Variants in AGRN observed in about 807,000 individuals in gnomAD.
AGRN encodes the protein agrin proteoglycan.
AGRN carries 106 observed loss-of-function variants against 211.0 expected under a neutral mutation model. The observed-to-expected ratio is 0.50, with a 90% CI of 0.43 to 0.59. The LOEUF (loss-of-function observed/expected upper bound fraction) is 0.59. Among genes scored for constraint, AGRN ranks in the 20% least tolerant of loss-of-function variants. The pLI, the probability that AGRN is intolerant of heterozygous loss-of-function variation, is 0.00. For missense variants in AGRN, 3,040 were observed against 2,982.6 expected (o/e 1.02, Z -0.45); for synonymous variants, 1,525 against 1,332.5 (o/e 1.14, Z -3.15).
In AGRN at chr1:1,046,689, T is replaced by C. The variant is rs1645105804; in HGVS notation, c.3204T>C (p.Asp1068=). The C allele has an allele frequency of 2.5e-6, 4 of 1,585,280 alleles. No homozygotes were observed. Among genetic ancestry groups the C allele is most frequent in the African/African-American group, 1.3e-5 (1 of 74,648 alleles). The change falls in exon 18 of 36, where the codon GAT becomes GAC. Residue 1068 remains aspartate, a synonymous_variant. Coordinates refer to ENST00000379370, the MANE Select transcript of AGRN (RefSeq NM_198576.4). ...GESGSTDGSS[D]EELSGDQEAS... ...CTGGCAGCACTGATGGAAGCAGCGA[T>C]GAGGAACTGAGCGGGGACCAGGAGG...
Position 1,020,123 on chromosome 1 carries a change from C to T in AGRN, c.-50C>T, listed in dbSNP as rs1380220484. ...GGAGCTGCGTCCCGTCCTGTCCAGT[C>T]CCGTCCCCGGCGCGGCCCGCGCGCT... On this transcript the variant is annotated 5_prime_UTR_variant, in exon 1 of 36. Coordinates refer to ENST00000379370, the MANE Select transcript of AGRN (RefSeq NM_198576.4). 34 of 961,364 alleles carry T rather than the reference C, an allele frequency of 3.5e-5. 1 individual carries two copies. Among genetic ancestry groups the T allele is most frequent in the Non-Finnish European group, 4.7e-5 (34 of 731,166 alleles). 59.6% of individuals were successfully genotyped at this position (961,364 alleles called of 1,614,324 possible).
chr1:1,033,962 C>A, intron 2 of AGRN: 1 of 266,390 alleles, frequency 3.8e-6, no homozygotes, highest in Non-Finnish European at 5.8e-6. Flanking sequence ...GTCTCTGCTC[C>A]CGCCCTCCCT....
intron 34 of AGRN, 85 bp downstream of exon 34, chr1:1,054,062 C>T: frequency 1.4e-6 from 2 of 1,426,324 alleles, no homozygotes; most frequent in Non-Finnish European, 1.9e-6. Flanking sequence ...CACTTGTGAC[C>T]AGGGGTCAGG....
chr1:1,026,242 C>G (rs1436109826), intron 2 of AGRN, among the ~76,000 whole-genome samples: 6 of 152,176 alleles, frequency 3.9e-5, no homozygotes, highest in Admixed American at 3.9e-4. Flanking sequence ...CCACACTGGC[C>G]GCTCTGGTGG....
intron 2 of AGRN, among the ~76,000 whole-genome samples, chr1:1,030,222 CGCGT>C (rs1376246635): frequency 8.4e-5 from 1 of 11,944 alleles, no homozygotes. Flanking sequence ...GTGAGATCAG[CGCGT>C]GTGTGTGTGC....
At chr1:1,035,523 G>A (rs982716990) in intron 3 of AGRN, among the ~76,000 whole-genome samples, 199 bp downstream of exon 3, 2 of 152,236 alleles carry the variant, frequency 1.3e-5, no homozygotes, top group African/African-American at 2.4e-5. Context: ...GCCGCCTGAC[G>A]GCACTGGACC....
chr1:1,050,632 G>T (rs762917500), intron 29 of AGRN, 41 bp downstream of exon 29: 1 of 1,604,098 alleles, frequency 6.2e-7, no homozygotes, highest in African/African-American at 1.3e-5. Context: ...TGGGGCACTG[G>T]CCCGGGGCCG....
At chr1:1,030,416 AGC>A (rs1371577214) in intron 2 of AGRN, among the ~76,000 whole-genome samples, 2 of 57,416 alleles carry the variant, frequency 3.5e-5, no homozygotes, top group African/African-American at 6.2e-5. Context: ...CTGTGAGATC[AGC>A]GTGTGTGTGT....
chr1:1,052,281 C>T (rs1033455433), intron 33 of AGRN: 5 of 355,078 alleles, frequency 1.4e-5, no homozygotes, highest in African/African-American at 2.1e-5. Flanking sequence ...TGTCTGTGTC[C>T]GTGTGCACTT....
Position 1,041,233 on chromosome 1 carries a change from C to A in AGRN, c.788C>A (p.Ala263Asp). 1 of 1,486,994 alleles carries A rather than the reference C, an allele frequency of 6.7e-7. No homozygotes were observed. Among genetic ancestry groups the A allele is most frequent in the Non-Finnish European group, 8.9e-7 (1 of 1,124,768 alleles). 92.1% of individuals were successfully genotyped at this position (1,486,994 alleles called of 1,614,324 possible). A position where few individuals can be genotyped will look rare whatever the true frequency, so the allele number is the denominator to read the frequency against. Residue 263 changes from alanine (A) to aspartate (D), a missense_variant, in exon 5 of 36, where the codon GCC becomes GAC. Physicochemically the swap from Ala to Asp is moderately radical, Grantham distance 126. This residue lies in a region of AGRN where 1,498 missense variants were observed against 1,457.8 expected (regional missense o/e 1.03). Transcript: ENST00000379370. ...CSFGSTCARS[A>D]DGLTASCLCP... ...TTCGGCAGCACCTGTGCGCGCTCGGCCGACGGGCTGACGGCCTCGTGCCTG... is the reference window on the plus strand; with the variant it reads ...TTCGGCAGCACCTGTGCGCGCTCGGACGACGGGCTGACGGCCTCGTGCCTG...
chr1:1,039,812 A>G (rs1296797308), intron 3 of AGRN, among the ~76,000 whole-genome samples: 1 of 150,316 alleles, frequency 6.7e-6, no homozygotes, highest in African/African-American at 2.5e-5. Flanking sequence ...GGGCCGGGGG[A>G]TGCCCAGGGA....
chr1:1,040,953 CTT>C, intron 4 of AGRN, 73 bp downstream of exon 4: 1 of 748,564 alleles, frequency 1.3e-6, no homozygotes, highest in Non-Finnish European at 1.7e-6. Flanking sequence ...CTGGGAGGGG[CTT>C]CGGGGCCAGT....
intron 2 of AGRN, among the ~76,000 whole-genome samples, chr1:1,026,476 C>T (rs1250087898): frequency 6.6e-6 from 1 of 152,192 alleles, no homozygotes; most frequent in African/African-American, 2.4e-5. Flanking sequence ...CAGGCCCATG[C>T]AGCTTCCTTC....
At chr1:1,050,867 C>G (rs771088061) in intron 30 of AGRN, 30 bp downstream of exon 30, 1 of 1,531,118 alleles carries the variant, frequency 6.5e-7, no homozygotes, top group Middle Eastern at 1.8e-4. Flanking sequence ...AGGGGACTCC[C>G]GCTGCTGCCT....
At chr1:1,052,556 T>A (rs546120673) in intron 33 of AGRN, 1 of 201,302 alleles carries the variant, frequency 5.0e-6, no homozygotes, top group African/African-American at 2.4e-5. Context: ...TGTGTGTGTA[T>A]ATGAGGGAGA....
intron 2 of AGRN, chr1:1,034,570 G>C: frequency 1.0e-6 from 1 of 986,408 alleles, no homozygotes; most frequent in Non-Finnish European, 1.2e-6. Flanking sequence ...CTCCGCTGCC[G>C]CTGGCGCGGG....
intron 3 of AGRN, among the ~76,000 whole-genome samples, chr1:1,039,013 A>G (rs531795826): frequency 6.6e-6 from 1 of 152,174 alleles, no homozygotes; most frequent in Non-Finnish European, 1.5e-5. Flanking sequence ...TGTGCTGGGC[A>G]CCCTCTAAGC....
At chr1:1,052,200 A>G in intron 33 of AGRN, 1 of 675,580 alleles carries the variant, frequency 1.5e-6, no homozygotes, top group Non-Finnish European at 2.2e-6. Flanking sequence ...CTCCCAGGGC[A>G]CAGGCCGAGG....
At chr1:1,035,223 G>A in intron 2 of AGRN, 54 bp from the exon 3 acceptor site, 1 of 1,599,058 alleles carries the variant, frequency 6.3e-7, no homozygotes, top group South Asian at 1.1e-5. Flanking sequence ...AAAGGGATGG[G>A]ACAGGGAGGA....
Sources: allele counts gnomAD v4.1 joint callset (sites outside exome capture counted in the v4.1 genomes callset), GRCh38; gene constraint gnomAD v4.1.1; regional missense constraint gnomAD v4.1.1; transcripts MANE v1.5; gene names NCBI Gene and HGNC (gene_info 2026-07-23, HGNC 2026-07-21).